The following FILIP1 variants were observed in gnomAD, a reference collection of about 807,000 sequenced individuals.
FILIP1 encodes the protein filamin A interacting protein 1, also known as filamin-A-interacting protein 1.
FILIP1 carries 61 observed loss-of-function variants against 102.1 expected under a neutral mutation model. That is an observed-to-expected ratio of 0.60 (90% CI 0.49 to 0.74). FILIP1 has a LOEUF of 0.74. FILIP1 is among the 30% of genes least tolerant of loss of function. The pLI, the probability that FILIP1 is intolerant of heterozygous loss-of-function variation, is 0.00. For missense variants in FILIP1, 1,314 were observed against 1,441.2 expected (o/e 0.91, Z 1.43); for synonymous variants, 491 against 526.9 (o/e 0.93, Z 0.93).
chr6:75,380,720 C>T (rs560344764), intron 2 of FILIP1, among the ~76,000 whole-genome samples: 3 of 152,002 alleles, frequency 2.0e-5, no homozygotes, highest in Non-Finnish European at 4.4e-5. Context: ...AAATACAGTA[C>T]ACCCATAGAA....
At chr6:75,415,046 C>T (rs1777214001) in intron 1 of FILIP1, 68 bp from the exon 2 acceptor site, 1 of 1,427,488 alleles carries the variant, frequency 7.0e-7, no homozygotes, top group Non-Finnish European at 9.6e-7. Flanking sequence ...TGCCTAAATA[C>T]TTAGAAACTT....
At chr6:75,434,335 T>G (rs1777939374) in intron 1 of FILIP1, among the ~76,000 whole-genome samples, 1 of 152,226 alleles carries the variant, frequency 6.6e-6, no homozygotes, top group Non-Finnish European at 1.5e-5. Flanking sequence ...GGAATGTTCT[T>G]CCATTTGTTT....
At chr6:75,397,368 C>T (rs1238568801) in intron 2 of FILIP1, among the ~76,000 whole-genome samples, 1 of 151,518 alleles carries the variant, frequency 6.6e-6, no homozygotes, top group East Asian at 1.9e-4. Context: ...TTTCTAAACT[C>T]AAAGCTAGGA....
At chr6:75,323,578 G>C (rs535530337) in intron 4 of FILIP1, among the ~76,000 whole-genome samples, 2 of 152,302 alleles carry the variant, frequency 1.3e-5, no homozygotes, top group East Asian at 3.9e-4. Flanking sequence ...TGGTGTTAGA[G>C]GGGCTGACAA....
intron 4 of FILIP1, among the ~76,000 whole-genome samples, chr6:75,347,589 T>C (rs1166228170): frequency 6.6e-6 from 1 of 152,194 alleles, no homozygotes; most frequent in Non-Finnish European, 1.5e-5. Context: ...CCACTAAACC[T>C]AAAAAACTTA....
intron 1 of FILIP1, among the ~76,000 whole-genome samples, chr6:75,468,367 T>TTAATAACTTACA (rs1295247606): frequency 6.6e-6 from 1 of 152,216 alleles, no homozygotes; most frequent in Non-Finnish European, 1.5e-5. Context: ...TAATTAATAA[T>TTAATAACTTACA]GTCAGAAAAG....
At chr6:75,355,846 T>C (rs1228439523) in intron 3 of FILIP1, among the ~76,000 whole-genome samples, 2 of 152,222 alleles carry the variant, frequency 1.3e-5, no homozygotes, top group East Asian at 3.9e-4. Context: ...TATTTCCCTA[T>C]CCTACTCAGT....
chr6:75,477,244 G>C (rs1779501072), intron 1 of FILIP1, among the ~76,000 whole-genome samples: 1 of 152,152 alleles, frequency 6.6e-6, no homozygotes, highest in Admixed American at 6.5e-5. Flanking sequence ...TAGAAATAGA[G>C]AGTAAAATGA....
intron 1 of FILIP1, among the ~76,000 whole-genome samples, chr6:75,447,793 T>G (rs1778488527): frequency 6.6e-6 from 1 of 152,090 alleles, no homozygotes; most frequent in Non-Finnish European, 1.5e-5. Context: ...TATTAAATCT[T>G]CATCTTAAAA....
intron 1 of FILIP1, among the ~76,000 whole-genome samples, chr6:75,419,115 T>C (rs879446438): frequency 5.9e-5 from 9 of 152,132 alleles, no homozygotes; most frequent in Admixed American, 2.0e-4. Flanking sequence ...CAAGTATTTC[T>C]AGAGCATTTG....
chr6:75,324,384 G>A (rs889315161), intron 4 of FILIP1, among the ~76,000 whole-genome samples: 1 of 145,366 alleles, frequency 6.9e-6, no homozygotes, highest in Non-Finnish European at 1.5e-5. Context: ...CCTAACCAAG[G>A]AGATAAAAGA....
At chr6:75,486,159 A>G (rs763940108) in intron 1 of FILIP1, among the ~76,000 whole-genome samples, 1 of 152,168 alleles carries the variant, frequency 6.6e-6, no homozygotes, top group Non-Finnish European at 1.5e-5. Context: ...AGTTTACAAT[A>G]TAAGGTGGGG....
At chr6:75,361,872 C>T (rs917590381) in intron 3 of FILIP1, 1 of 152,162 alleles carries the variant, frequency 6.6e-6, no homozygotes, top group Non-Finnish European at 1.5e-5. Flanking sequence ...GAATAGAGCT[C>T]CAGTCTATTC....
Position 75,332,941 on chromosome 6 carries a change from T to G in FILIP1, c.630-17739A>C, listed in dbSNP as rs553935542. 7.9e-5 allele frequency among the ~76,000 whole-genome samples: 12 copies of G among 152,344 alleles called. No individual in the cohort carries two copies. The East Asian group carries it at 2.1e-3, about 27-fold the overall frequency. On this transcript the variant is annotated intron_variant, in intron 4 of 5. Transcript: ENST00000237172. ...TACAGTGCTGGGCAAAGTCATGGTT[T>G]TAAGCTTATACAGTATGGGAGCTCA...
In FILIP1 at chr6:75,458,662, A is replaced by G. The variant is rs554417008; in HGVS notation, c.-7+34752T>C. 3.3e-5 allele frequency: 5 copies of G among 152,308 alleles called. No individual in the cohort carries two copies. In the South Asian group the frequency reaches 8.3e-4, roughly 25 times the overall value. 9.4% of individuals were successfully genotyped at this position (152,308 alleles called of 1,614,324 possible). ...GGAATAGGGATAACATTTTTCTCAAATATTTTTCCAAATCTTTTCCCTACC... is the reference window on the plus strand; with the variant it reads ...GGAATAGGGATAACATTTTTCTCAAGTATTTTTCCAAATCTTTTCCCTACC... On this transcript the variant is annotated intron_variant, in intron 1 of 5. Transcript: ENST00000237172.
In FILIP1 at chr6:75,362,916, G is replaced by C. The variant is rs748552676; in HGVS notation, c.278C>G (p.Ala93Gly). 17 of 1,613,380 alleles carry C rather than the reference G, an allele frequency of 1.1e-5. No homozygotes were observed. The South Asian group carries it at 1.9e-4, about 18-fold the overall frequency. The change falls in exon 3 of 6, where the codon GCC (alanine) becomes GGC (glycine). Residue 93 changes from alanine (A) to glycine (G), a missense_variant and splice_region_variant. By Grantham distance (60) the Ala-to-Gly change is moderately conservative. Transcript: ENST00000237172. ...LLSIMEGELQ[A>G]REDVIHMLKT... ...CAGCATGTGGATCACATCTTCTCTG[G>C]CCTGTAATAGAAAGTGCAGCAAGAT...
Position 75,344,386 on chromosome 6 carries a change from C to T in FILIP1, c.629+9153G>A, listed in dbSNP as rs188266402. Among the ~76,000 whole-genome samples, 15 of 152,320 alleles carry T rather than the reference C, an allele frequency of 9.8e-5. No individual in the cohort carries two copies. The East Asian group carries it at 2.5e-3, about 25-fold the overall frequency. ...CCAGGAGATGGCTTTGTTCACCACA[C>T]ATTATTTTATCAATTTGAGTCAACA... On this transcript the variant is annotated intron_variant, in intron 4 of 5. Transcript: ENST00000237172.
At chr6:75,299,131 T>C (rs1411181221) in intron 6 of FILIP1, among the ~76,000 whole-genome samples, 1 of 152,084 alleles carries the variant, frequency 6.6e-6, no homozygotes, top group African/African-American at 2.4e-5. Flanking sequence ...TATAGTACAA[T>C]AAAATAATGT....
At chr6:75,358,060 T>C (rs1775060582) in intron 3 of FILIP1, among the ~76,000 whole-genome samples, 1 of 152,204 alleles carries the variant, frequency 6.6e-6, no homozygotes, top group African/African-American at 2.4e-5. Flanking sequence ...TTGAATGAGA[T>C]AATCATAACA....
Sources: allele counts gnomAD v4.1 joint callset (sites outside exome capture counted in the v4.1 genomes callset), GRCh38; gene constraint gnomAD v4.1.1; transcripts MANE v1.5; gene names NCBI Gene and HGNC (gene_info 2026-07-23, HGNC 2026-07-21).